The following CELF4 variants were observed in gnomAD, a reference collection of about 807,000 sequenced individuals.
CELF4 encodes CUGBP Elav-like family member 4, also known as CUG-BP- and ETR-3-like factor 4.
In CELF4, 18 loss-of-function variants were observed where a neutral mutation model predicts 59.9. The observed-to-expected ratio is 0.30, with a 90% CI of 0.21 to 0.45. CELF4 has a LOEUF of 0.45. Among genes scored for constraint, CELF4 ranks in the 20% least tolerant of loss-of-function variants. CELF4 has a pLI of 1.00. For synonymous variants in CELF4, 261 were observed against 267.1 expected, an observed-to-expected ratio of 0.98 and a Z score of 0.22; for missense variants, 456 against 689.0, an observed-to-expected ratio of 0.66 and a Z score of 3.79.
chr18:37,309,916 T>C (rs2096582589), intron 3 of CELF4, among the ~76,000 whole-genome samples: 1 of 150,768 alleles, frequency 6.6e-6, no homozygotes, highest in Non-Finnish European at 1.5e-5. Flanking sequence ...GTCATTCCCA[T>C]AATCACCACC....
intron 3 of CELF4, among the ~76,000 whole-genome samples, chr18:37,300,765 C>G (rs2095975293): frequency 1.3e-5 from 2 of 152,184 alleles, no homozygotes; most frequent in Non-Finnish European, 2.9e-5. Context: ...GATGGAGGAG[C>G]TGGGGCTGCA....
intron 1 of CELF4, among the ~76,000 whole-genome samples, chr18:37,495,948 G>A (rs1187639138): frequency 6.6e-6 from 1 of 152,150 alleles, no homozygotes; most frequent in Admixed American, 6.5e-5. Flanking sequence ...GGACCTATGA[G>A]TCCCTTTGTG....
chr18:37,332,027 G>T (rs149508489), intron 2 of CELF4, among the ~76,000 whole-genome samples: 228 of 152,286 alleles, frequency 1.5e-3, no homozygotes, highest in East Asian at 0.01. Flanking sequence ...TGCAGGAGGT[G>T]CAGGAAGTCA....
At chr18:37,488,048 T>C (rs1193812048) in intron 1 of CELF4, among the ~76,000 whole-genome samples, 2 of 151,496 alleles carry the variant, frequency 1.3e-5, no homozygotes, top group Non-Finnish European at 2.9e-5. Flanking sequence ...GCCCCCCAGG[T>C]GCACTCTGTC....
rs531157952 is a variant in CELF4, at chr18:37,389,955, T to A, written c.370-68074A>T. On this transcript the variant is annotated intron_variant, in intron 2 of 12. Transcript: ENST00000420428. ...CGCTCACTCACGCTGCACAGATCCT[T>A]CAGGGATGGGCCCATGGAATATTCT... Among the ~76,000 whole-genome samples, 225 of 152,324 alleles carry A rather than the reference T, an allele frequency of 1.5e-3. 2 individuals are homozygous for A. The highest frequency in any genetic ancestry group is 3.3e-3 in the Admixed American group (50 of 15,306).
At position 37,492,891 on chromosome 18, in the gene CELF4, C is replaced by T. The variant is rs540073121; in HGVS notation, c.287-7284G>A. Among the ~76,000 whole-genome samples the T allele has an allele frequency of 1.2e-4, 19 of 152,158 alleles. No individual in the cohort carries two copies. In the East Asian group the frequency reaches 2.5e-3, roughly 20 times the overall value. ...GGGCTCAGCAGGACTGAGTAACAGG[C>T]GGGAAAAAGACCCCATGGGTCTGTG... On this transcript the variant is annotated intron_variant, in intron 1 of 12. Coordinates refer to ENST00000420428, the MANE Select transcript of CELF4 (RefSeq NM_020180.4).
intron 1 of CELF4, among the ~76,000 whole-genome samples, chr18:37,543,127 C>T (rs1030549724): frequency 3.3e-5 from 5 of 152,200 alleles, no homozygotes; most frequent in African/African-American, 1.2e-4. Flanking sequence ...CCAAGGGTTG[C>T]ACCACCCTGG....
intron 2 of CELF4, among the ~76,000 whole-genome samples, chr18:37,345,419 A>C (rs1488809738): frequency 6.6e-6 from 1 of 152,108 alleles, no homozygotes. Context: ...CCCTGGGCAC[A>C]GCCAGCCTCT....
intron 2 of CELF4, among the ~76,000 whole-genome samples, chr18:37,444,022 G>A (rs565960689): frequency 6.0e-4 from 91 of 152,238 alleles, no homozygotes; most frequent in Middle Eastern, 6.8e-3. Flanking sequence ...GCACTGCTAC[G>A]TACTGGCTGT....
chr18:37,321,934 C>T, intron 2 of CELF4, 53 bp from the exon 3 acceptor site: 1 of 1,460,740 alleles, frequency 6.8e-7, no homozygotes, highest in Non-Finnish European at 9.5e-7. Context: ...GGTGAGGGGA[C>T]AGACACCCAG....
intron 2 of CELF4, chr18:37,473,303 G>T (rs1569569569): frequency 6.6e-6 from 1 of 152,170 alleles, no homozygotes; most frequent in Non-Finnish European, 1.5e-5. Flanking sequence ...AAAGCCGGCC[G>T]ACCCACTTTC....
rs71168259 is a variant in CELF4 at position 37,444,652 on chromosome 18, A to ACACACACACACACACGCG, written c.369+40872_369+40873insCGCGTGTGTGTGTGTGTG. Reference sequence around the variant, plus strand: ...CACACACACACACACACACACACACACGCGAACGATGCAGTTTCAGAGGAG... The same window carrying ACACACACACACACACGCG: ...CACACACACACACACACACACACACACACACACACACACACGCGCGCGAACGATGCAGTTTCAGAGGAG... On this transcript the variant is annotated intron_variant, in intron 2 of 12. Coordinates refer to ENST00000420428, the MANE Select transcript of CELF4 (RefSeq NM_020180.4). 3.0e-3 allele frequency among the ~76,000 whole-genome samples: 430 copies of ACACACACACACACACGCG among 144,084 alleles called. 6 individuals carry two copies. Among genetic ancestry groups the ACACACACACACACACGCG allele is most frequent in the African/African-American group, 0.011 (413 of 38,532 alleles). The allele number at this position is 144,084 out of a possible 152,430, so 94.5% of individuals were successfully genotyped here. A position where few individuals can be genotyped will look rare whatever the true frequency, so the allele number is the denominator to read the frequency against.
chr18:37,482,405 AAGGCAG>A (rs2099870327), intron 2 of CELF4, among the ~76,000 whole-genome samples: 2 of 152,230 alleles, frequency 1.3e-5, no homozygotes. Flanking sequence ...ATTCTGGCAG[AAGGCAG>A]TGCTCAAAAA....
At chr18:37,315,538 C>T (rs1345003206) in intron 3 of CELF4, among the ~76,000 whole-genome samples, 1 of 152,136 alleles carries the variant, frequency 6.6e-6, no homozygotes, top group African/African-American at 2.4e-5. Flanking sequence ...CTAGCAGTAA[C>T]CATCACACTG....
chr18:37,390,140 C>G (rs1438902518), intron 2 of CELF4, among the ~76,000 whole-genome samples: 2 of 152,246 alleles, frequency 1.3e-5, no homozygotes, highest in Non-Finnish European at 2.9e-5. Context: ...TGTCCACGCC[C>G]CCTCCCCACA....
chr18:37,266,436 G>T, intron 9 of CELF4, 97 bp downstream of exon 9: 1 of 1,173,870 alleles, frequency 8.5e-7, no homozygotes, highest in Non-Finnish European at 1.2e-6. Context: ...CCCACCCCAT[G>T]CAGTGCTGGC....
At chr18:37,252,429 C>T (rs2066061052) in intron 12 of CELF4, among the ~76,000 whole-genome samples, 1 of 151,956 alleles carries the variant, frequency 6.6e-6, no homozygotes, top group Non-Finnish European at 1.5e-5. Flanking sequence ...AGTTACCCAT[C>T]ACTCTCCTAT....
chr18:37,243,909 C>T lies in CELF4; in HGVS notation c.*1333G>A, dbSNP rs955871399. On this transcript the variant is annotated 3_prime_UTR_variant, in exon 13 of 13. Coordinates refer to ENST00000420428, the MANE Select transcript of CELF4 (RefSeq NM_020180.4). ...AGAGGGAAGCGAGAGGCGAGGATGA[C>T]GGCGGCGGCGGCGGCGGCGACCCGG... 36 of 165,166 alleles carry T rather than the reference C, an allele frequency of 2.2e-4. No individual in the cohort carries two copies. The highest frequency in any genetic ancestry group is 1.1e-3 in the African/African-American group (29 of 27,248). The allele number at this position is 165,166 out of a possible 1,614,324, so 10.2% of individuals were successfully genotyped here.
At chr18:37,524,349 C>T (rs562700567) in intron 1 of CELF4, among the ~76,000 whole-genome samples, 35 of 152,270 alleles carry the variant, frequency 2.3e-4, no homozygotes, top group African/African-American at 7.9e-4. Flanking sequence ...CAGATGGCTT[C>T]GAATGCCAAC....
Sources: allele counts gnomAD v4.1 joint callset (sites outside exome capture counted in the v4.1 genomes callset), GRCh38; gene constraint gnomAD v4.1.1; transcripts MANE v1.5; gene names NCBI Gene and HGNC (gene_info 2026-07-23, HGNC 2026-07-21).